The following RSRC1 variants were observed in gnomAD, a reference collection of about 807,000 sequenced individuals.
RSRC1 encodes serine/Arginine-related protein 53.
In RSRC1, 39 loss-of-function variants were observed where a neutral mutation model predicts 49.1. The ratio of observed to expected loss-of-function variants is 0.79; its 90% CI spans 0.61 to 1.04. The LOEUF is 1.04. Among genes scored for constraint, RSRC1 ranks in the 50% least tolerant of loss-of-function variants. RSRC1 has a pLI of 0.00. For synonymous variants in RSRC1, 143 were observed against 130.8 expected, an observed-to-expected ratio of 1.09 and a Z score of -0.63; for missense variants, 388 against 402.4, an observed-to-expected ratio of 0.96 and a Z score of 0.31.
intron 7 of RSRC1, among the ~76,000 whole-genome samples, chr3:158,524,410 T>C (rs1711880658): frequency 6.6e-6 from 1 of 152,074 alleles, no homozygotes; most frequent in East Asian, 1.9e-4. Context: ...CTGATTTCTT[T>C]GGGGCATTGT....
intron 4 of RSRC1, among the ~76,000 whole-genome samples, chr3:158,266,789 C>T (rs1725208562): frequency 1.3e-5 from 2 of 151,966 alleles, no homozygotes; most frequent in African/African-American, 4.8e-5. Flanking sequence ...CTCCTGTTGC[C>T]CAGGCTGGAG....
chr3:158,285,688 CTGTT>C (rs1167619950), intron 4 of RSRC1, among the ~76,000 whole-genome samples: 3 of 152,002 alleles, frequency 2.0e-5, no homozygotes, highest in Admixed American at 1.3e-4. Context: ...ATTTGGCTCT[CTGTT>C]TGTCTGTTAT....
chr3:158,518,148 A>ACATTTTTTTT (rs1740696915), intron 7 of RSRC1, among the ~76,000 whole-genome samples: 1 of 44,142 alleles, frequency 2.3e-5, no homozygotes, highest in African/African-American at 1.5e-4. Context: ...ATATATATAT[A>ACATTTTTTTT]TTTTTTTTTT....
chr3:158,459,868 A>T (rs1227235066), intron 6 of RSRC1, among the ~76,000 whole-genome samples: 1 of 151,986 alleles, frequency 6.6e-6, no homozygotes, highest in Non-Finnish European at 1.5e-5. Context: ...GTCAATATTA[A>T]TGGTAAAGAA....
At chr3:158,405,968 A>T (rs1734143525) in intron 6 of RSRC1, among the ~76,000 whole-genome samples, 1 of 152,122 alleles carries the variant, frequency 6.6e-6, no homozygotes, top group African/African-American at 2.4e-5. Context: ...GGAATTTTAC[A>T]TGAAAATTTA....
At chr3:158,135,651 A>G (rs544369933) in intron 3 of RSRC1, among the ~76,000 whole-genome samples, 2 of 152,128 alleles carry the variant, frequency 1.3e-5, no homozygotes, top group East Asian at 3.9e-4. Context: ...ATGGTAGCCA[A>G]AATGCAATGC....
intron 4 of RSRC1, among the ~76,000 whole-genome samples, chr3:158,239,411 G>A (rs555808577): frequency 3.3e-5 from 5 of 152,244 alleles, no homozygotes; most frequent in East Asian, 3.9e-4. Context: ...CCATGCACAC[G>A]TTTATTGCAG....
chr3:158,523,566 C>A (rs1711827720), intron 7 of RSRC1, among the ~76,000 whole-genome samples: 2 of 152,044 alleles, frequency 1.3e-5, no homozygotes, highest in Non-Finnish European at 1.5e-5. Context: ...CCATTTAGTT[C>A]AACCCTAAAA....
chr3:158,513,060 A>G (rs1740279678), intron 7 of RSRC1, among the ~76,000 whole-genome samples: 2 of 140,568 alleles, frequency 1.4e-5, no homozygotes, highest in Admixed American at 7.2e-5. Context: ...GTCGTCTGCA[A>G]ACAGGGACAA....
chr3:158,389,844 A>C (rs9878828), intron 6 of RSRC1, among the ~76,000 whole-genome samples: 1,792 of 152,296 alleles, frequency 0.012, 30 homozygotes, highest in African/African-American at 0.042. Context: ...AATTCTTGCT[A>C]TACCAACTTA....
chr3:158,397,789 C>G (rs1733692870), intron 6 of RSRC1, among the ~76,000 whole-genome samples: 2 of 152,134 alleles, frequency 1.3e-5, no homozygotes, highest in African/African-American at 4.8e-5. Context: ...TCATACCCCT[C>G]TCTCTGCTCT....
intron 4 of RSRC1, among the ~76,000 whole-genome samples, chr3:158,278,477 A>G (rs1442786142): frequency 1.3e-5 from 2 of 152,134 alleles, no homozygotes; most frequent in Admixed American, 6.6e-5. Flanking sequence ...CATAATTTTC[A>G]TGGAGGCTAA....
At chr3:158,485,458 A>G (rs368110431) in intron 7 of RSRC1, among the ~76,000 whole-genome samples, 65 of 152,228 alleles carry the variant, frequency 4.3e-4, no homozygotes, top group Non-Finnish European at 7.2e-4. Context: ...CATAGCATCT[A>G]TTATCTCACT....
At chr3:158,175,861 T>C (rs1719177761) in intron 3 of RSRC1, among the ~76,000 whole-genome samples, 1 of 152,152 alleles carries the variant, frequency 6.6e-6, no homozygotes, top group African/African-American at 2.4e-5. Flanking sequence ...TTTCATTAAT[T>C]TGATCTTCAG....
At chr3:158,536,950 G>A (rs1020185528) in intron 7 of RSRC1, 142 bp from the exon 8 acceptor site, 8 of 598,970 alleles carry the variant, frequency 1.3e-5, no homozygotes, top group Non-Finnish European at 2.4e-5. Flanking sequence ...GTGGATCTCA[G>A]AACAAAAGAG....
chr3:158,135,839 T>A (rs1365269395), intron 3 of RSRC1, among the ~76,000 whole-genome samples: 1 of 152,194 alleles, frequency 6.6e-6, no homozygotes, highest in Non-Finnish European at 1.5e-5. Flanking sequence ...CTAAGGACCC[T>A]TGAACATGTG....
intron 6 of RSRC1, among the ~76,000 whole-genome samples, chr3:158,411,951 G>A (rs961910737): frequency 2.6e-5 from 4 of 151,892 alleles, no homozygotes; most frequent in African/African-American, 9.7e-5. Flanking sequence ...AGAGTTTCAG[G>A]ATATATATTT....
At chr3:158,190,304 A>G (rs1417828054) in intron 3 of RSRC1, among the ~76,000 whole-genome samples, 1 of 151,962 alleles carries the variant, frequency 6.6e-6, no homozygotes, top group Non-Finnish European at 1.5e-5. Flanking sequence ...TTCTTGCATT[A>G]TGATTGTAAT....
intron 7 of RSRC1, among the ~76,000 whole-genome samples, chr3:158,531,765 A>C (rs965342533): frequency 6.6e-6 from 1 of 151,972 alleles, no homozygotes; most frequent in Non-Finnish European, 1.5e-5. Context: ...TGTGTTTTAA[A>C]AGAAACATTT....
Sources: allele counts gnomAD v4.1 joint callset (sites outside exome capture counted in the v4.1 genomes callset), GRCh38; gene constraint gnomAD v4.1.1; transcripts MANE v1.5; gene names NCBI Gene and HGNC (gene_info 2026-07-23, HGNC 2026-07-21).